The following TPM2 variants were observed in gnomAD, a reference collection of about 807,000 sequenced individuals.
TPM2 encodes the protein tropomyosin 2.
In TPM2, 26 loss-of-function variants were observed where a neutral mutation model predicts 41.0. The observed-to-expected ratio is 0.63, with a 90% CI of 0.46 to 0.88. The LOEUF (loss-of-function observed/expected upper bound fraction) is 0.88. Ranked by LOEUF, TPM2 falls within the 40% of genes least tolerant of loss-of-function variation. The pLI is 0.00. For missense variants in TPM2, 187 were observed against 355.2 expected, an observed-to-expected ratio of 0.53 and a Z score of 3.81; for synonymous variants, 143 against 139.3, an observed-to-expected ratio of 1.03 and a Z score of -0.19.
intron 8 of TPM2, chr9:35,683,901 T>G (rs1325489125): frequency 5.3e-6 from 2 of 375,270 alleles, no homozygotes; most frequent in African/African-American, 2.1e-5. Context: ...CCACTCAGAG[T>G]GTGGCATGAG....
Position 35,689,243 on chromosome 9 carries a change from T to C in TPM2, c.143A>G (p.Lys48Arg), listed in dbSNP as rs1825113856. The change falls in exon 2 of 9, where the codon AAG (lysine) becomes AGG (arginine). Residue 48 changes from lysine (K) to arginine (R), a missense_variant. Coordinates refer to ENST00000645482, the MANE Select transcript of TPM2 (RefSeq NM_003289.4). Reference protein sequence around the residue: ...QLEEEQQALQKKLKGTEDEVE... With the variant: ...QLEEEQQALQRKLKGTEDEVE... ...CTCATCCTCTGTCCCCTTCAGCTTCTTCTGGAGGGCCTGCTGCTCCTCCTC... is the reference window on the plus strand; with the variant it reads ...CTCATCCTCTGTCCCCTTCAGCTTCCTCTGGAGGGCCTGCTGCTCCTCCTC... The C allele has an allele frequency of 1.2e-6, 2 of 1,614,128 alleles. No homozygotes were observed. The highest frequency in any genetic ancestry group is 1.3e-5 in the African/African-American group (1 of 74,954).
chr9:35,682,475 C>T (rs1478889382), downstream of TPM2: 19 of 1,300,374 alleles, frequency 1.5e-5, no homozygotes, highest in South Asian at 2.1e-4. Context: ...ACAAAGACTG[C>T]GCCAGGAAAG....
At chr9:35,687,099 T>C (rs1335681020) in intron 2 of TPM2, among the ~76,000 whole-genome samples, 7 of 152,116 alleles carry the variant, frequency 4.6e-5, no homozygotes, top group Admixed American at 4.6e-4. Context: ...CAATAACAGT[T>C]CCTCCTTCTT....
In TPM2 at chr9:35,685,588, C is replaced by T. The variant is rs145455780; in HGVS notation, c.375-37G>A. On this transcript the variant is annotated intron_variant, in intron 3 of 8. Coordinates refer to ENST00000645482, the MANE Select transcript of TPM2 (RefSeq NM_003289.4). This position sits in a 1 kb window ranked among gnomAD's most constrained non-coding sequence, Gnocchi z 5.0. ...GGAGAGGGTGAGCGTAGGGTCAGGA[C>T]CAGCAGAGACAGGCTCCCTTCTCCC... is the stretch of plus-strand genomic sequence containing the variant. 3,754 of 1,614,124 alleles carry T rather than the reference C, an allele frequency of 2.3e-3. 9 individuals are homozygous for T. Among genetic ancestry groups the T allele is most frequent in the Non-Finnish European group, 2.8e-3 (3,323 of 1,180,006 alleles).
chr9:35,689,224 C>T lies in TPM2; in HGVS notation c.162G>A (p.Glu54=), dbSNP rs201888258. Residue 54 remains glutamate, a synonymous_variant, in exon 2 of 9, where the codon GAG becomes GAA. Coordinates refer to ENST00000645482, the MANE Select transcript of TPM2 (RefSeq NM_003289.4). ...ATTCAGAATACTTTTCCACCTCATC[C>T]TCTGTCCCCTTCAGCTTCTTCTGGA... ...QALQKKLKGT[E]DEVEKYSESV... is the part of the protein sequence containing the mutation. 1 of 1,614,238 alleles carries T rather than the reference C, an allele frequency of 6.2e-7. No homozygotes were observed. The highest frequency in any genetic ancestry group is 8.5e-7 in the Non-Finnish European group (1 of 1,180,042).
intron 5 of TPM2, 152 bp from the exon 6 acceptor site, chr9:35,684,959 C>A: frequency 6.2e-7 from 1 of 1,612,364 alleles, no homozygotes; most frequent in South Asian, 1.1e-5. Flanking sequence ...CCAGGCCCTT[C>A]CTGATCCCCA....
chr9:35,685,246 T>A lies in TPM2; in HGVS notation c.563+23A>T. The A allele has an allele frequency of 6.2e-7, 1 of 1,614,164 alleles. No homozygotes were observed. Among genetic ancestry groups the A allele is most frequent in the Non-Finnish European group, 8.5e-7 (1 of 1,180,014 alleles). ...AAGGCCCCAGGGCCAATGGGCTCAC[T>A]TGTCACCCCCGGGTATCTTTACCTC... is the stretch of plus-strand genomic sequence containing the variant. On this transcript the variant is annotated intron_variant, in intron 5 of 8. Transcript: ENST00000645482. The surrounding 1 kb of genome is among the most constrained non-coding windows in gnomAD (Gnocchi z 5.0).
chr9:35,687,346 C>T (rs1240754714), intron 2 of TPM2, among the ~76,000 whole-genome samples: 1 of 152,060 alleles, frequency 6.6e-6, no homozygotes, highest in Non-Finnish European at 1.5e-5. Context: ...AGTACATTGC[C>T]TGCACAGGGT....
Position 35,685,644 on chromosome 9 carries a change from C to T in TPM2, c.374+3G>A, listed in dbSNP as rs768008767. 1.9e-6 allele frequency: 3 copies of T among 1,614,142 alleles called. No homozygotes were observed. Among genetic ancestry groups the T allele is most frequent in the East Asian group, 2.2e-5 (1 of 44,860 alleles). ...GACCATCCTCCCCGAGGCCCCTGAC[C>T]ACCTCTCGCTCTCATCAGCCGCCTT... On this transcript the variant is annotated splice_donor_region_variant and intron_variant, in intron 3 of 8. Transcript: ENST00000645482. This position sits in a 1 kb window ranked among gnomAD's most constrained non-coding sequence, Gnocchi z 5.0.
At chr9:35,683,883 T>C (rs934346949) in intron 8 of TPM2, among the ~76,000 whole-genome samples, 2 of 152,160 alleles carry the variant, frequency 1.3e-5, no homozygotes, top group Non-Finnish European at 1.5e-5. Flanking sequence ...GAATTGTCTA[T>C]AAGGGTGCCA....
In TPM2 at chr9:35,685,141, T is replaced by G. The variant is rs761500422; in HGVS notation, c.563+128A>C. ...TCCTCCTCCAGCTGTCTGGCTCGGC[T>G]GGGGGCAGCGGGCAGGGGTCAGAGA... On this transcript the variant is annotated intron_variant, in intron 5 of 8. Coordinates refer to ENST00000645482, the MANE Select transcript of TPM2 (RefSeq NM_003289.4). This position sits in a 1 kb window ranked among gnomAD's most constrained non-coding sequence, Gnocchi z 5.0. The G allele has an allele frequency of 6.2e-7, 1 of 1,614,136 alleles. No homozygotes were observed. Among genetic ancestry groups the G allele is most frequent in the South Asian group, 1.1e-5 (1 of 91,086 alleles).
intron 2 of TPM2, 137 bp downstream of exon 2, chr9:35,689,009 T>C (rs1437680546): frequency 1.9e-6 from 2 of 1,037,906 alleles, no homozygotes; most frequent in Admixed American, 1.8e-5. Flanking sequence ...CTAGCCCTGG[T>C]TACTGAGATG....
chr9:35,684,760 A>G lies in TPM2; in HGVS notation c.611T>C (p.Leu204Ser). Residue 204 changes from leucine to serine, a missense_variant, in exon 6 of 9, where the codon TTG becomes TCG. Physicochemically the swap from Leu to Ser is moderately radical, Grantham distance 145. Coordinates refer to ENST00000645482, the MANE Select transcript of TPM2 (RefSeq NM_003289.4). ...EEELKIVTNNLKSLEAQADKY... is the reference protein window; with the variant it reads ...EEELKIVTNNSKSLEAQADKY... ...GTCCGCCTGGGCCTCCAGGGATTTC[A>G]AGTTGTTGGTAACAATTTTCAGCTC... 3 of 1,613,898 alleles carry G rather than the reference A, an allele frequency of 1.9e-6. No individual in the cohort carries two copies. Among genetic ancestry groups the G allele is most frequent in the Non-Finnish European group, 2.5e-6 (3 of 1,179,984 alleles).
At chr9:35,683,639 A>T (rs892865088) in intron 8 of TPM2, among the ~76,000 whole-genome samples, 40 of 152,248 alleles carry the variant, frequency 2.6e-4, no homozygotes, top group African/African-American at 8.4e-4. Flanking sequence ...GAGAAGTGGG[A>T]AAGTGAAAGG....
chr9:35,689,731 C>G lies in TPM2; in HGVS notation c.87G>C (p.Lys29Asn). 2 of 1,613,770 alleles carry G rather than the reference C, an allele frequency of 1.2e-6. No homozygotes were observed. Among genetic ancestry groups the G allele is most frequent in the Non-Finnish European group, 1.7e-6 (2 of 1,179,758 alleles). The change falls in exon 1 of 9, where the codon AAG becomes AAC. Residue 29 changes from lysine to asparagine, a missense_variant. By Grantham distance (94) the Lys-to-Asn change is moderately conservative (BLOSUM62 0). Coordinates refer to ENST00000645482, the MANE Select transcript of TPM2 (RefSeq NM_003289.4). Reference protein sequence around the residue: ...IDRAEQAEADKKQAEDRCKQL... With the variant: ...IDRAEQAEADNKQAEDRCKQL... ...GCTTGCAGCGGTCCTCAGCTTGCTT[C>G]TTGTCGGCTTCGGCCTGCTCGGCGC...
rs113702031 is a variant in TPM2, at chr9:35,686,227, G to A, written c.241-447C>T. The stretch of plus-strand genomic sequence containing the variant: ...GTCGTGCCACTGCACTCCAGCCTGG[G>A]TAAAAAGAACGAAACTCCATCTCAA... On this transcript the variant is annotated intron_variant, in intron 2 of 8. Coordinates refer to ENST00000645482, the MANE Select transcript of TPM2 (RefSeq NM_003289.4). 9.5e-3 allele frequency: 2,307 copies of A among 241,860 alleles called. 21 individuals carry two copies. The highest frequency in any genetic ancestry group is 0.012 in the Non-Finnish European group (1,453 of 122,096). 15.0% of individuals were successfully genotyped at this position (241,860 alleles called of 1,614,324 possible).
chr9:35,685,813 T>C lies in TPM2; in HGVS notation c.241-33A>G, dbSNP rs1250525306. 3.1e-6 allele frequency: 5 copies of C among 1,613,542 alleles called. No homozygotes were observed. In the African/African-American group the frequency reaches 6.7e-5, roughly 22 times the overall value. ...TCAGAGGTCAGGGGTCAAAAAGGCC[T>C]TGTTAGCCTTGGATAAGGATCAGAG... On this transcript the variant is annotated intron_variant, in intron 2 of 8. Transcript: ENST00000645482. The surrounding 1 kb of genome is among the most constrained non-coding windows in gnomAD (Gnocchi z 5.0).
rs1771976723 is a variant in TPM2 at position 35,682,991 on chromosome 9, G to A, written c.*168C>T. ...TGGAAGGGGATAGGTAAAGGATGAAGCCAGTGCCAGAGTGGGTGGTGGGCA... is the reference window on the plus strand; with the variant it reads ...TGGAAGGGGATAGGTAAAGGATGAAACCAGTGCCAGAGTGGGTGGTGGGCA... On this transcript the variant is annotated 3_prime_UTR_variant, in exon 9 of 9. Transcript: ENST00000645482. 3 of 1,535,210 alleles carry A rather than the reference G, an allele frequency of 2.0e-6. No individual in the cohort carries two copies. The South Asian group carries it at 3.7e-5, about 19-fold the overall frequency.
chr9:35,683,990 C>T (rs1563927213), intron 8 of TPM2: 1 of 503,000 alleles, frequency 2.0e-6, no homozygotes, highest in Non-Finnish European at 3.6e-6. Flanking sequence ...CTCTTTGGGG[C>T]AGAGTCAAGG....
Sources: allele counts gnomAD v4.1 joint callset (sites outside exome capture counted in the v4.1 genomes callset), GRCh38; gene constraint gnomAD v4.1.1; non-coding constraint Gnocchi (gnomAD v3.1); transcripts MANE v1.5; gene names NCBI Gene and HGNC (gene_info 2026-07-23, HGNC 2026-07-21).